Variants in PLOD1 observed in about 807,000 individuals in gnomAD.
PLOD1 encodes lysine hydroxylase.
A neutral mutation model predicts 94.7 loss-of-function variants in PLOD1; 70 were observed. That is an observed-to-expected ratio of 0.74 (90% CI 0.61 to 0.90). The LOEUF (loss-of-function observed/expected upper bound fraction) is 0.90, where lower values mean the gene tolerates loss of function less well. Ranked by LOEUF, PLOD1 falls within the 40% of genes least tolerant of loss-of-function variation. PLOD1 has a pLI of 0.00. For missense variants in PLOD1, 905 were observed against 972.7 expected (o/e 0.93, Z 0.93); for synonymous variants, 417 against 400.2 (o/e 1.04, Z -0.50).
intron 2 of PLOD1, 72 bp downstream of exon 2, chr1:11,948,139 A>T: frequency 9.8e-7 from 1 of 1,021,794 alleles, no homozygotes; most frequent in Admixed American, 1.7e-5. Context: ...TGTCCTTTCC[A>T]AACTACCACG....
intron 1 of PLOD1, chr1:11,944,792 G>C (rs1311134425): frequency 3.3e-6 from 2 of 604,028 alleles, no homozygotes; most frequent in Non-Finnish European, 4.9e-6. Context: ...CCAGCTCCCT[G>C]CCCCGGCTAC....
chr1:11,948,060 A>G lies in PLOD1; in HGVS notation c.161A>G (p.Lys54Arg). 1 of 1,611,852 alleles carries G rather than the reference A, an allele frequency of 6.2e-7. No individual in the cohort carries two copies. Among genetic ancestry groups the G allele is most frequent in the East Asian group, 2.2e-5 (1 of 44,870 alleles). The change falls in exon 2 of 19, where the codon AAG becomes AGG. Residue 54 changes from lysine (K) to arginine (R), a missense_variant. Physicochemically the swap from Lys to Arg is conservative, Grantham distance 26. Coordinates refer to ENST00000196061, the MANE Select transcript of PLOD1 (RefSeq NM_000302.4). Reference sequence around the variant, plus strand: ...CGCTCAGCTCAGTTCTTCAACTACAAGATCCAGGTAAGGGGTTTCCTGGGT... The same window carrying G: ...CGCTCAGCTCAGTTCTTCAACTACAGGATCCAGGTAAGGGGTTTCCTGGGT... ...FKRSAQFFNY[K>R]IQALGLGEDW...
chr1:11,935,105 T>C (rs1645569229), intron 1 of PLOD1, among the ~76,000 whole-genome samples: 1 of 152,186 alleles, frequency 6.6e-6, no homozygotes, highest in Admixed American at 6.5e-5. Context: ...ATAATAATAG[T>C]TTTCATAATA....
chr1:11,947,252 A>AAC (rs1645662538), intron 1 of PLOD1, among the ~76,000 whole-genome samples: 2 of 150,416 alleles, frequency 1.3e-5, no homozygotes, highest in African/African-American at 4.9e-5. Context: ...AAAAAAAACA[A>AAC]AAACAAACAA....
chr1:11,942,961 GT>G (rs991743287), intron 1 of PLOD1, among the ~76,000 whole-genome samples: 4 of 151,126 alleles, frequency 2.6e-5, no homozygotes, highest in Non-Finnish European at 5.9e-5. Context: ...GAACCCGGGA[GT>G]TTTTTTTGTT....
rs943055184 is a variant in PLOD1, at chr1:11,958,439, C to T, written c.844-77C>T. On this transcript the variant is annotated intron_variant, in intron 8 of 18. Coordinates refer to ENST00000196061, the MANE Select transcript of PLOD1 (RefSeq NM_000302.4). This position sits in a 1 kb window ranked among gnomAD's most constrained non-coding sequence, Gnocchi z 4.3. ...TGCTTCTGATTCTGGCTCTGACTCC[C>T]TTGGGCCACCCTGGGGTGGAGTGGC... 7.1e-6 allele frequency: 11 copies of T among 1,552,652 alleles called. No homozygotes were observed. Among genetic ancestry groups the T allele is most frequent in the Non-Finnish European group, 9.7e-6 (11 of 1,135,010 alleles).
intron 2 of PLOD1, among the ~76,000 whole-genome samples, chr1:11,949,231 C>T (rs1421984224): frequency 1.3e-5 from 2 of 152,026 alleles, no homozygotes; most frequent in African/African-American, 4.8e-5. Flanking sequence ...AGGGAAGGCG[C>T]TGATAGGCCA....
intron 4 of PLOD1, among the ~76,000 whole-genome samples, chr1:11,951,428 T>C (rs1645700540): frequency 6.6e-6 from 1 of 151,268 alleles, no homozygotes; most frequent in Non-Finnish European, 1.5e-5. Context: ...TAGCCGGGCG[T>C]GGTGGTACAC....
intron 5 of PLOD1, chr1:11,954,180 GGA>G: frequency 7.2e-6 from 1 of 138,106 alleles, no homozygotes; most frequent in Non-Finnish European, 1.6e-5. Flanking sequence ...TAGAATATTT[GGA>G]GTAGCGGCCA....
intron 9 of PLOD1, among the ~76,000 whole-genome samples, chr1:11,959,792 T>A (rs1177532138): frequency 6.6e-6 from 1 of 151,108 alleles, no homozygotes; most frequent in Non-Finnish European, 1.5e-5. Context: ...TAATTTTTTG[T>A]ATTTTAGTAG....
At chr1:11,955,360 G>A (rs915952158) in intron 6 of PLOD1, among the ~76,000 whole-genome samples, 4 of 152,194 alleles carry the variant, frequency 2.6e-5, no homozygotes, top group African/African-American at 9.7e-5. Flanking sequence ...TTGCTTTGCC[G>A]CAGGTCTTCC....
intron 2 of PLOD1, among the ~76,000 whole-genome samples, chr1:11,949,422 C>A (rs563272662): frequency 1.3e-5 from 2 of 152,106 alleles, no homozygotes; most frequent in East Asian, 3.9e-4. Context: ...AAAATTATTT[C>A]TTTTTCTCTT....
Position 11,974,863 on chromosome 1 carries a change from G to C in PLOD1, c.*55G>C. ...CTTCTTTGCCGACAACCACTGCCCA[G>C]CAGCCTCTGGGACCTCGGGGTCCCA... On this transcript the variant is annotated 3_prime_UTR_variant, in exon 19 of 19. Transcript: ENST00000196061. 1 of 1,588,706 alleles carries C rather than the reference G, an allele frequency of 6.3e-7. No homozygotes were observed. Among genetic ancestry groups the C allele is most frequent in the Non-Finnish European group, 8.6e-7 (1 of 1,157,050 alleles).
chr1:11,957,288 A>G lies in PLOD1; in HGVS notation c.741+274A>G, dbSNP rs1405853709. On this transcript the variant is annotated intron_variant, in intron 7 of 18. Coordinates refer to ENST00000196061, the MANE Select transcript of PLOD1 (RefSeq NM_000302.4). This position sits in a 1 kb window ranked among gnomAD's most constrained non-coding sequence, Gnocchi z 4.1. ...AGGCTGGGCTACCAGAGCCATCTGC[A>G]CTGTCACCCCAGGGCAGAGTCACTT... 1 of 672,126 alleles carries G rather than the reference A, an allele frequency of 1.5e-6. No homozygotes were observed. Among genetic ancestry groups the G allele is most frequent in the Non-Finnish European group, 2.8e-6 (1 of 355,942 alleles). 41.6% of individuals were successfully genotyped at this position (672,126 alleles called of 1,614,324 possible). A position where few individuals can be genotyped will look rare whatever the true frequency, so the allele number is the denominator to read the frequency against.
rs2100758386 is a variant in PLOD1, at chr1:11,964,756, A to G, written c.1441A>G (p.Met481Val). Residue 481 changes from methionine (M) to valine (V), a missense_variant, in exon 13 of 19, where the codon ATG becomes GTG. Met to Val is a conservative substitution (Grantham distance 21). Coordinates refer to ENST00000196061, the MANE Select transcript of PLOD1 (RefSeq NM_000302.4). ...LFHHSKLDPD[M>V]AFCANIRQQD... is the part of the protein sequence containing the mutation. ...CCACCACAGCAAGCTGGACCCCGAC[A>G]TGGCCTTCTGTGCCAACATCCGGCA... 6.2e-7 allele frequency: 1 copy of G among 1,613,722 alleles called. No homozygotes were observed. The highest frequency in any genetic ancestry group is 8.5e-7 in the Non-Finnish European group (1 of 1,180,036).
chr1:11,944,611 A>T, intron 1 of PLOD1: 1 of 1,363,768 alleles, frequency 7.3e-7, no homozygotes, highest in South Asian at 1.1e-5. Context: ...AGCTCGGGGG[A>T]GCCCTTCCCC....
chr1:11,942,908 C>T (rs905687522), intron 1 of PLOD1, among the ~76,000 whole-genome samples: 4 of 152,130 alleles, frequency 2.6e-5, no homozygotes, highest in Admixed American at 6.6e-5. Flanking sequence ...TGGACAATCA[C>T]GTGGGATCCT....
In PLOD1 at chr1:11,958,543, G is replaced by A. The variant is rs776772692; in HGVS notation, c.871G>A (p.Gly291Ser). 9.3e-6 allele frequency: 15 copies of A among 1,613,796 alleles called. No homozygotes were observed. The highest frequency in any genetic ancestry group is 2.2e-5 in the East Asian group (1 of 44,862). ...GDEALPTVLV[G>S]VFIEQPTPFV... ...TGAAGCTCTGCCCACGGTCCTGGTCGGCGTGTTCATCGAACAGCCCACGCC... is the reference window on the plus strand; with the variant it reads ...TGAAGCTCTGCCCACGGTCCTGGTCAGCGTGTTCATCGAACAGCCCACGCC... Residue 291 changes from glycine (G) to serine (S), a missense_variant, in exon 9 of 19, where the codon GGC becomes AGC. Transcript: ENST00000196061. This position sits in a 1 kb window ranked among gnomAD's most constrained non-coding sequence, Gnocchi z 4.3.
chr1:11,955,889 G>T (rs1361496361), intron 6 of PLOD1, among the ~76,000 whole-genome samples: 1 of 151,964 alleles, frequency 6.6e-6, no homozygotes, highest in African/African-American at 2.4e-5. Context: ...GCCTCCCAAA[G>T]TGCTGAGATT....
Sources: gnomAD v4.1 joint callset for allele counts (sites outside exome capture counted in the v4.1 genomes callset) on GRCh38, gnomAD v4.1.1 for gene constraint, Gnocchi (gnomAD v3.1) non-coding constraint, MANE v1.5 for transcripts, NCBI Gene and HGNC (gene_info 2026-07-23, HGNC 2026-07-21) for gene names.